AGPAT2: variants seen among roughly 807,000 people sequenced by gnomAD.
AGPAT2 encodes the protein 1-acyl-sn-glycerol-3-phosphate acyltransferase beta.
Under a neutral mutation model 26.1 loss-of-function variants are expected in AGPAT2, and 18 were observed. The observed-to-expected ratio is 0.69, with a 90% CI of 0.48 to 1.02. The LOEUF is 1.02. Ranked by LOEUF, AGPAT2 falls within the 50% of genes least tolerant of loss-of-function variation. The probability of loss-of-function intolerance (pLI) is 0.00; values close to 1 mark genes in which losing one functional copy is unlikely to be tolerated. For synonymous variants in AGPAT2, 200 were observed against 174.2 expected (o/e 1.15, Z -1.16); for missense variants, 415 against 394.9 (o/e 1.05, Z -0.43).
intron 5 of AGPAT2, 73 bp from the exon 6 acceptor site, chr9:136,674,000 G>T: frequency 7.3e-7 from 1 of 1,379,118 alleles, no homozygotes; most frequent in Non-Finnish European, 9.5e-7. Context: ...CCCTGGCCTC[G>T]CCTCTCCCCA....
chr9:136,679,944 G>C (rs1040696953), intron 1 of AGPAT2, among the ~76,000 whole-genome samples: 2 of 152,258 alleles, frequency 1.3e-5, no homozygotes, highest in Non-Finnish European at 2.9e-5. Context: ...TGAGAAGCCT[G>C]TGGTGCTGAA....
intron 1 of AGPAT2, among the ~76,000 whole-genome samples, chr9:136,678,257 C>G (rs903033658): frequency 4.6e-5 from 7 of 152,208 alleles, no homozygotes; most frequent in Non-Finnish European, 1.0e-4. Context: ...GCAGCCCCCA[C>G]TCTGGCAGGG....
chr9:136,680,584 G>C (rs141066503), intron 1 of AGPAT2, among the ~76,000 whole-genome samples: 2 of 152,156 alleles, frequency 1.3e-5, no homozygotes, highest in African/African-American at 4.8e-5. Context: ...TAACAAGGGA[G>C]GAAACTGGTG....
Position 136,687,446 on chromosome 9 carries a change from G to A in AGPAT2, c.-89C>T. 2 of 1,167,654 alleles carry A rather than the reference G, an allele frequency of 1.7e-6. No homozygotes were observed. The highest frequency in any genetic ancestry group is 2.2e-6 in the Non-Finnish European group (2 of 905,502). 72.3% of individuals were successfully genotyped at this position (1,167,654 alleles called of 1,614,324 possible). ...GCGCGCTCAGGCCCCTTATTGCGAG[G>A]GCGGCGGGGCTGGGCGGGGCGGGGC... On this transcript the variant is annotated 5_prime_UTR_variant, in exon 1 of 6. Coordinates refer to ENST00000371696, the MANE Select transcript of AGPAT2 (RefSeq NM_006412.4).
chr9:136,680,268 C>T (rs1846142639), intron 1 of AGPAT2, among the ~76,000 whole-genome samples: 1 of 152,184 alleles, frequency 6.6e-6, no homozygotes, highest in African/African-American at 2.4e-5. Context: ...ACTCTGTCAC[C>T]CAGACTGGAG....
chr9:136,675,232 G>A (rs1345453712), intron 4 of AGPAT2, among the ~76,000 whole-genome samples: 2 of 152,178 alleles, frequency 1.3e-5, no homozygotes, highest in Non-Finnish European at 2.9e-5. Flanking sequence ...GAGGGGTGGA[G>A]CCTGCTGGTG....
At chr9:136,681,597 T>A (rs1846161721) in intron 1 of AGPAT2, among the ~76,000 whole-genome samples, 1 of 151,188 alleles carries the variant, frequency 6.6e-6, no homozygotes, top group Admixed American at 6.6e-5. Flanking sequence ...AGGTCAGGAG[T>A]TCAAGACCAG....
Position 136,687,221 on chromosome 9 carries a change from A to G in AGPAT2, c.137T>C (p.Leu46Pro), listed in dbSNP as rs749691219. Residue 46 changes from leucine (L) to proline (P), a missense_variant, in exon 1 of 6, where the codon CTC becomes CCC. By Grantham distance (98) the Leu-to-Pro change is moderately conservative. Transcript: ENST00000371696. ...LCFTVSAVAS[L>P]VCLLRHGGRT... ...GCCGCCGTGGCGCAGCAGGCAGACG[A>G]GCGAGGCCACGGCGGACACCGTGAA... 1.4e-5 allele frequency: 23 copies of G among 1,594,134 alleles called. No homozygotes were observed. The highest frequency in any genetic ancestry group is 2.0e-5 in the Non-Finnish European group (23 of 1,174,560).
In AGPAT2 at chr9:136,686,561, C is replaced by G. The variant is rs1441566481; in HGVS notation, c.182+615G>C. 4.6e-5 allele frequency among the ~76,000 whole-genome samples: 7 copies of G among 152,364 alleles called. No individual in the cohort carries two copies. In the South Asian group the frequency reaches 1.2e-3, roughly 27 times the overall value. ...ACTCTTCCTTCCCTTCGCTTGGAAG[C>G]TGGGCCCCCGGAGCTGTAGGCCAGG... is the stretch of plus-strand genomic sequence containing the variant. On this transcript the variant is annotated intron_variant, in intron 1 of 5. Transcript: ENST00000371696.
chr9:136,676,240 C>G (rs936667791), intron 4 of AGPAT2, among the ~76,000 whole-genome samples: 1 of 152,220 alleles, frequency 6.6e-6, no homozygotes, highest in Admixed American at 6.5e-5. Context: ...CCCAGCCAGG[C>G]ACAGGCCCAG....
chr9:136,681,081 C>T (rs943438402), intron 1 of AGPAT2, among the ~76,000 whole-genome samples: 3 of 152,150 alleles, frequency 2.0e-5, no homozygotes, highest in African/African-American at 7.2e-5. Flanking sequence ...CCAGCACCAC[C>T]CTCTAGCTCC....
At chr9:136,677,187 T>C in intron 2 of AGPAT2, 51 bp from the exon 3 acceptor site, 1 of 1,601,072 alleles carries the variant, frequency 6.2e-7, no homozygotes, top group Non-Finnish European at 8.5e-7. Context: ...CAGCGTGCGC[T>C]GGAAGACAGC....
In AGPAT2 at chr9:136,687,388, G is replaced by C. The variant is rs1846238385; in HGVS notation, c.-31C>G. 5 of 1,418,456 alleles carry C rather than the reference G, an allele frequency of 3.5e-6. No homozygotes were observed. Among genetic ancestry groups the C allele is most frequent in the Non-Finnish European group, 4.6e-6 (5 of 1,093,030 alleles). The allele number at this position is 1,418,456 out of a possible 1,614,324, so 87.9% of individuals were successfully genotyped here. On this transcript the variant is annotated 5_prime_UTR_variant, in exon 1 of 6. Transcript: ENST00000371696. ...GGCCCGGCGCCCGACGGCGCCGCCA[G>C]CTCGCTCCCGCTCCCGCTCCCGCTT...
chr9:136,687,194 C>T lies in AGPAT2; in HGVS notation c.164G>A (p.Arg55Gln), dbSNP rs1193488029. ...GCCTTGCCTCATGTTCTCCACCGTC[C>T]GGCCGCCGTGGCGCAGCAGGCAGAC... The part of the protein sequence containing the change: ...SLVCLLRHGG[R>Q]TVENMSIIGW... The change falls in exon 1 of 6, where the codon CGG (arginine) becomes CAG (glutamine). Residue 55 changes from arginine to glutamine, a missense_variant. Transcript: ENST00000371696. 2 of 1,587,872 alleles carry T rather than the reference C, an allele frequency of 1.3e-6. No individual in the cohort carries two copies. The highest frequency in any genetic ancestry group is 1.7e-6 in the Non-Finnish European group (2 of 1,172,270).
At chr9:136,673,982 G>C (rs938672204) in intron 5 of AGPAT2, 55 bp from the exon 6 acceptor site, 50 of 1,434,530 alleles carry the variant, frequency 3.5e-5, no homozygotes, top group Non-Finnish European at 4.3e-5. Flanking sequence ...GCCCACCTCA[G>C]CCTGCTGCCC....
At chr9:136,674,038 C>T in intron 5 of AGPAT2, 111 bp from the exon 6 acceptor site, 3 of 1,124,414 alleles carry the variant, frequency 2.7e-6, no homozygotes, top group Non-Finnish European at 3.6e-6. Flanking sequence ...CCTGGGAAGC[C>T]CGAGGCCGGG....
chr9:136,679,923 G>A (rs533455597), intron 1 of AGPAT2, among the ~76,000 whole-genome samples: 16 of 152,322 alleles, frequency 1.1e-4, no homozygotes, highest in Admixed American at 2.0e-4. Context: ...GAATTCGCCC[G>A]ACGGCTGGAG....
intron 1 of AGPAT2, among the ~76,000 whole-genome samples, chr9:136,679,343 A>C (rs1846132620): frequency 6.6e-6 from 1 of 152,160 alleles, no homozygotes; most frequent in Admixed American, 6.5e-5. Flanking sequence ...CAGATGGGGA[A>C]ACTGAGTCAA....
At chr9:136,679,056 T>A (rs944339082) in intron 1 of AGPAT2, among the ~76,000 whole-genome samples, 2 of 151,626 alleles carry the variant, frequency 1.3e-5, no homozygotes, top group Admixed American at 6.6e-5. Context: ...GCCCGGCCTT[T>A]AAAAAAAAAT....
Sources: allele counts gnomAD v4.1 joint callset (sites outside exome capture counted in the v4.1 genomes callset), GRCh38; gene constraint gnomAD v4.1.1; transcripts MANE v1.5; gene names NCBI Gene and HGNC (gene_info 2026-07-23, HGNC 2026-07-21).